Variants in TGFBR3 observed in about 807,000 individuals in gnomAD.
TGFBR3 encodes the protein transforming growth factor beta receptor type 3.
A neutral mutation model predicts 87.9 loss-of-function variants in TGFBR3; 46 were observed. The ratio of observed to expected loss-of-function variants is 0.52; its 90% confidence interval spans 0.41 to 0.67. TGFBR3 has a LOEUF of 0.67. Among genes scored for constraint, TGFBR3 ranks in the 30% least tolerant of loss-of-function variants. TGFBR3 has a pLI of 0.00. For missense variants in TGFBR3, 866 were observed against 1,041.9 expected, an observed-to-expected ratio of 0.83 and a Z score of 2.32; for synonymous variants, 381 against 391.6, an observed-to-expected ratio of 0.97 and a Z score of 0.32.
At chr1:91,846,428 G>A (rs111230070) in intron 2 of TGFBR3, among the ~76,000 whole-genome samples, 135 of 152,320 alleles carry the variant, frequency 8.9e-4, no homozygotes, top group African/African-American at 3.1e-3. Context: ...GACCTGGCAG[G>A]TGACAGACAG....
chr1:91,792,243 T>C (rs898692898), intron 3 of TGFBR3, among the ~76,000 whole-genome samples: 14 of 152,158 alleles, frequency 9.2e-5, no homozygotes, highest in Admixed American at 2.0e-4. Context: ...CTGCTTACAC[T>C]GTTGGTATGC....
At chr1:91,771,846 T>C (rs1270716143) in intron 3 of TGFBR3, among the ~76,000 whole-genome samples, 1 of 151,654 alleles carries the variant, frequency 6.6e-6, no homozygotes, top group Non-Finnish European at 1.5e-5. Flanking sequence ...TCAGACACAA[T>C]ACCTGCCCTC....
upstream of TGFBR3, among the ~76,000 whole-genome samples, chr1:91,887,408 C>T (rs980558770): frequency 2.0e-5 from 3 of 151,750 alleles, no homozygotes; most frequent in Non-Finnish European, 4.4e-5. Context: ...AATGCCACCA[C>T]GCCCAGCTAA....
At chr1:91,795,859 T>C (rs1675363382) in intron 3 of TGFBR3, among the ~76,000 whole-genome samples, 1 of 152,152 alleles carries the variant, frequency 6.6e-6, no homozygotes, top group Admixed American at 6.5e-5. Context: ...AACAATAATT[T>C]CCAATGTTGC....
chr1:91,901,686 G>T (rs1307117096), intron 1 of TGFBR3, among the ~76,000 whole-genome samples: 1 of 151,908 alleles, frequency 6.6e-6, no homozygotes, highest in East Asian at 1.9e-4. Flanking sequence ...AGACAGAGGT[G>T]GGAGGATAGC....
intron 2 of TGFBR3, among the ~76,000 whole-genome samples, chr1:91,819,450 A>G (rs747051243): frequency 1.3e-5 from 2 of 152,122 alleles, no homozygotes; most frequent in South Asian, 4.1e-4. Context: ...GGGATCCCAC[A>G]GGCTAAAAAT....
chr1:91,791,507 A>G (rs1473232445), intron 3 of TGFBR3, among the ~76,000 whole-genome samples: 2 of 152,212 alleles, frequency 1.3e-5, no homozygotes, highest in Non-Finnish European at 2.9e-5. Flanking sequence ...GGAATCAAAA[A>G]GGACTCCAAG....
intron 7 of TGFBR3, among the ~76,000 whole-genome samples, chr1:91,726,140 T>C (rs1186859063): frequency 1.3e-5 from 2 of 152,138 alleles, no homozygotes; most frequent in African/African-American, 4.8e-5. Flanking sequence ...CCTTTCTGAT[T>C]CATATGAGAG....
intron 1 of TGFBR3, among the ~76,000 whole-genome samples, chr1:91,885,439 G>T (rs536426079): frequency 4.8e-4 from 73 of 152,054 alleles, no homozygotes; most frequent in African/African-American, 1.8e-3. Context: ...AACGCAAACC[G>T]CGTCCGTGCA....
At chr1:91,759,383 CAAAAAAAAAAAA>C (rs35600646) in intron 3 of TGFBR3, among the ~76,000 whole-genome samples, 2 of 84,736 alleles carry the variant, frequency 2.4e-5, no homozygotes, top group African/African-American at 1.0e-4. Flanking sequence ...CAGCCCCTGT[CAAAAAAAAAAAA>C]AAAAAAAAAA....
At position 91,765,495 on chromosome 1, in the gene TGFBR3, G is replaced by A. The variant is rs546388391; in HGVS notation, c.247-6745C>T. On this transcript the variant is annotated intron_variant, in intron 3 of 16. Coordinates refer to ENST00000212355, the MANE Select transcript of TGFBR3 (RefSeq NM_003243.5). ...GAAACAAATGACGGAGATGCTTCCT[G>A]GAAGGTATGCTGGACAGCATGCCAA... is the stretch of plus-strand genomic sequence containing the variant. Among the ~76,000 whole-genome samples the A allele has an allele frequency of 2.6e-5, 4 of 152,114 alleles. No homozygotes were observed. The South Asian group carries it at 8.3e-4, about 32-fold the overall frequency.
intron 2 of TGFBR3, among the ~76,000 whole-genome samples, chr1:91,824,117 A>AGCT (rs1676548554): frequency 1.3e-5 from 2 of 152,200 alleles, no homozygotes; most frequent in Non-Finnish European, 2.9e-5. Context: ...GTAACAGAGC[A>AGCT]ACACCCTGTC....
chr1:91,738,625 G>A (rs1673045498), intron 4 of TGFBR3, among the ~76,000 whole-genome samples: 1 of 152,208 alleles, frequency 6.6e-6, no homozygotes, highest in Non-Finnish European at 1.5e-5. Flanking sequence ...AGATGTTGGT[G>A]CTATGCTTCC....
intron 2 of TGFBR3, among the ~76,000 whole-genome samples, chr1:91,825,447 A>C (rs961245232): frequency 2.6e-5 from 4 of 152,246 alleles, no homozygotes; most frequent in Non-Finnish European, 5.9e-5. Flanking sequence ...ATCCATAGAA[A>C]CAGAAAATAG....
intron 2 of TGFBR3, among the ~76,000 whole-genome samples, chr1:91,825,740 G>A (rs1676609952): frequency 6.6e-6 from 1 of 152,114 alleles, no homozygotes; most frequent in Admixed American, 6.5e-5. Flanking sequence ...TAGCACTTTG[G>A]GAGGCCAAGG....
At chr1:91,903,837 T>C (rs1679785375) in intron 1 of TGFBR3, among the ~76,000 whole-genome samples, 1 of 152,148 alleles carries the variant, frequency 6.6e-6, no homozygotes, top group African/African-American at 2.4e-5. Context: ...CTACATATGG[T>C]TGGCAAATTT....
At chr1:91,897,947 G>A (rs1037480023) in intron 2 of TGFBR3, among the ~76,000 whole-genome samples, 2 of 151,658 alleles carry the variant, frequency 1.3e-5, no homozygotes, top group African/African-American at 2.4e-5. Context: ...CAGGACTTTG[G>A]GAGCCCGAGG....
chr1:91,694,787 C>T (rs1671375192), intron 16 of TGFBR3, among the ~76,000 whole-genome samples: 4 of 152,192 alleles, frequency 2.6e-5, no homozygotes, highest in African/African-American at 9.6e-5. Flanking sequence ...TCTAGGTTCA[C>T]AGTATAAAAC....
intron 14 of TGFBR3, among the ~76,000 whole-genome samples, chr1:91,699,065 G>A (rs186818635): frequency 5.0e-4 from 76 of 151,390 alleles, no homozygotes; most frequent in Admixed American, 1.4e-3. Flanking sequence ...TCCTTTATAG[G>A]GAAAAAAATC....
Sources: allele counts gnomAD v4.1 joint callset (sites outside exome capture counted in the v4.1 genomes callset), GRCh38; gene constraint gnomAD v4.1.1; transcripts MANE v1.5; gene names NCBI Gene and HGNC (gene_info 2026-07-23, HGNC 2026-07-21).